DLC1: variants seen among roughly 807,000 people sequenced by gnomAD.
The protein encoded by DLC1 is rho GTPase-activating protein 7.
A neutral mutation model predicts 140.3 loss-of-function variants in DLC1; 54 were observed. The observed-to-expected ratio is 0.38, with a 90% CI of 0.31 to 0.48. DLC1 has a LOEUF of 0.48. DLC1 is among the 20% of genes least tolerant of loss of function. The pLI is 0.96. For missense variants in DLC1, 2,536 were observed against 1,907.0 expected (o/e 1.33, Z -6.14); for synonymous variants, 986 against 728.1 (o/e 1.35, Z -5.70).
chr8:13,542,879 G>GT (rs1803534346), intron 1 of DLC1, among the ~76,000 whole-genome samples: 1 of 151,916 alleles, frequency 6.6e-6, no homozygotes, highest in Non-Finnish European at 1.5e-5. Flanking sequence ...TTCCCTATGA[G>GT]TTTTTTACCT....
At chr8:13,220,511 A>C (rs1295755684) in intron 5 of DLC1, among the ~76,000 whole-genome samples, 1 of 152,154 alleles carries the variant, frequency 6.6e-6, no homozygotes. Context: ...CCAACTATTA[A>C]ATTTAACTAT....
chr8:13,362,324 TG>T (rs1835264589), intron 4 of DLC1, among the ~76,000 whole-genome samples: 1 of 152,172 alleles, frequency 6.6e-6, no homozygotes. Context: ...TCATAGAGTC[TG>T]GCTTGGAAAA....
In DLC1 at chr8:13,302,972, T is replaced by C. The variant is rs1186982295; in HGVS notation, c.1348+2297A>G. On this transcript the variant is annotated intron_variant, in intron 5 of 17. Transcript: ENST00000276297. ...TAGATTGCTTAGACTGTTATGGTAC[T>C]TAAAACTTTTGAAATAAATCACATT... Among the ~76,000 whole-genome samples, 5 of 152,352 alleles carry C rather than the reference T, an allele frequency of 3.3e-5. No individual in the cohort carries two copies. In the South Asian group the frequency reaches 8.3e-4, roughly 25 times the overall value.
chr8:13,366,914 C>T (rs147547078), intron 4 of DLC1, among the ~76,000 whole-genome samples: 9 of 152,146 alleles, frequency 5.9e-5, no homozygotes, highest in African/African-American at 2.2e-4. Flanking sequence ...CTCTTGCATT[C>T]CTCGATGTGT....
intron 12 of DLC1, 72 bp from the exon 13 acceptor site, chr8:13,092,897 C>T (rs1460390021): frequency 1.3e-6 from 2 of 1,494,136 alleles, no homozygotes; most frequent in African/African-American, 1.4e-5. Context: ...TGTCCCAGAG[C>T]AAATATCGGC....
intron 2 of DLC1, among the ~76,000 whole-genome samples, chr8:13,484,773 C>T (rs1015746121): frequency 7.2e-5 from 11 of 151,752 alleles, no homozygotes; most frequent in African/African-American, 2.7e-4. Context: ...ATAAACAGTC[C>T]CTGGAGGCCA....
At chr8:13,316,782 C>T (rs937071701) in intron 4 of DLC1, among the ~76,000 whole-genome samples, 4 of 152,150 alleles carry the variant, frequency 2.6e-5, no homozygotes, top group African/African-American at 9.7e-5. Context: ...GGGTGATCAG[C>T]TCAGCCACTA....
intron 5 of DLC1, among the ~76,000 whole-genome samples, chr8:13,245,104 G>A (rs1829708232): frequency 6.6e-6 from 1 of 152,196 alleles, no homozygotes; most frequent in South Asian, 2.1e-4. Flanking sequence ...AGTGATGCCA[G>A]TTTTTCTTGT....
chr8:13,419,189 A>G (rs1372509313), intron 2 of DLC1, among the ~76,000 whole-genome samples: 3 of 152,014 alleles, frequency 2.0e-5, no homozygotes, highest in Admixed American at 1.3e-4. Flanking sequence ...CTGTTTTCCT[A>G]ATTGAATACC....
chr8:13,546,451 G>A (rs1055665287), intron 1 of DLC1, among the ~76,000 whole-genome samples: 3 of 151,954 alleles, frequency 2.0e-5, no homozygotes, highest in Admixed American at 2.0e-4. Flanking sequence ...ACTTAACAAA[G>A]GAAATTTTTC....
intron 4 of DLC1, among the ~76,000 whole-genome samples, chr8:13,386,964 C>T (rs1168998338): frequency 1.3e-5 from 2 of 151,938 alleles, no homozygotes; most frequent in African/African-American, 4.8e-5. Context: ...ATGAAATTGC[C>T]ATATTCAAAA....
At position 13,144,643 on chromosome 8, in the gene DLC1, T is replaced by G. The variant is rs550643345; in HGVS notation, c.1349-28986A>C. Among the ~76,000 whole-genome samples the G allele has an allele frequency of 2.1e-3, 323 of 152,264 alleles. 3 individuals carry two copies. The highest frequency in any genetic ancestry group is 7.6e-3 in the African/African-American group (314 of 41,548). ...AGCCAGGCGTGGTGGTGGGTGCCTG[T>G]AGTCCCAGCTACTCGGGAGGCTGAG... On this transcript the variant is annotated intron_variant, in intron 5 of 17. Transcript: ENST00000276297.
chr8:13,328,802 G>T lies in DLC1; in HGVS notation c.1315-23500C>A, dbSNP rs549887706. ...GAGGTGAAAGGGGAAGACCAGAAAA[G>T]TGTGATGTCACAGAAGCGGAAGGAA... On this transcript the variant is annotated intron_variant, in intron 4 of 17. Transcript: ENST00000276297. Among the ~76,000 whole-genome samples, 135 of 152,266 alleles carry T rather than the reference G, an allele frequency of 8.9e-4. 2 individuals are homozygous for T. The highest frequency in any genetic ancestry group is 5.7e-3 in the Admixed American group (87 of 15,300).
intron 5 of DLC1, among the ~76,000 whole-genome samples, chr8:13,171,389 T>C (rs1350659131): frequency 1.3e-5 from 2 of 152,048 alleles, no homozygotes; most frequent in African/African-American, 4.8e-5. Flanking sequence ...CCTACTTCCT[T>C]TTACTTATTT....
Position 13,500,093 on chromosome 8 carries a change from A to T in DLC1, c.-22T>A, listed in dbSNP as rs1407621103. 1.3e-6 allele frequency: 2 copies of T among 1,591,308 alleles called. No individual in the cohort carries two copies. Among genetic ancestry groups the T allele is most frequent in the East Asian group, 4.5e-5 (2 of 44,732 alleles). On this transcript the variant is annotated 5_prime_UTR_variant, in exon 2 of 18. Coordinates refer to ENST00000276297, the MANE Select transcript of DLC1 (RefSeq NM_182643.3). ...ACATGTCATCGTAGTTTAACAACAG[A>T]CAGAGAGATATATTCCATATGAGGG...
chr8:13,272,509 C>T (rs1830977598), intron 5 of DLC1, among the ~76,000 whole-genome samples: 1 of 152,080 alleles, frequency 6.6e-6, no homozygotes, highest in South Asian at 2.1e-4. Context: ...TCTTTCAGCA[C>T]AACTTAACGT....
rs201279229 is a variant in DLC1 at position 13,191,493 on chromosome 8, A to AAAC, written c.1349-75839_1349-75837dup. On this transcript the variant is annotated intron_variant, in intron 5 of 17. Coordinates refer to ENST00000276297, the MANE Select transcript of DLC1 (RefSeq NM_182643.3). ...TGCACAGAGCAAAACTCTGTCTCAAAAACAACAACAACAACAAACCCTTAA... is the reference window on the plus strand; with the variant it reads ...TGCACAGAGCAAAACTCTGTCTCAAAAACAACAACAACAACAACAAACCCTTAA... Among the ~76,000 whole-genome samples the AAAC allele has an allele frequency of 1.1e-3, 173 of 152,344 alleles. 1 individual carries two copies. The highest frequency in any genetic ancestry group is 4.0e-3 in the African/African-American group (166 of 41,588).
chr8:13,513,949 C>T (rs80031689), intron 1 of DLC1, among the ~76,000 whole-genome samples: 1 of 152,030 alleles, frequency 6.6e-6, no homozygotes, highest in Non-Finnish European at 1.5e-5. Flanking sequence ...TTAATATAAA[C>T]TAAATTCGAT....
At chr8:13,554,893 C>T (rs540852529) in intron 1 of DLC1, among the ~76,000 whole-genome samples, 1 of 152,360 alleles carries the variant, frequency 6.6e-6, no homozygotes, top group East Asian at 1.9e-4. Context: ...CTTACAACTG[C>T]CTGCAAGGCC....
Sources: gnomAD v4.1 joint callset for allele counts (sites outside exome capture counted in the v4.1 genomes callset) on GRCh38, gnomAD v4.1.1 for gene constraint, MANE v1.5 for transcripts, NCBI Gene and HGNC (gene_info 2026-07-23, HGNC 2026-07-21) for gene names.